Variants in POU6F2 observed in about 807,000 individuals in gnomAD.
The protein encoded by POU6F2 is POU class 6 homeobox 2.
POU6F2 carries 31 observed loss-of-function variants against 71.3 expected under a neutral mutation model. The observed-to-expected ratio is 0.43, with a 90% CI of 0.33 to 0.59. POU6F2 has a LOEUF of 0.59. Ranked by LOEUF, POU6F2 falls within the 20% of genes least tolerant of loss-of-function variation. The probability of loss-of-function intolerance (pLI) is 0.04; values close to 1 mark genes in which losing one functional copy is unlikely to be tolerated. For synonymous variants in POU6F2, 347 were observed against 355.7 expected, an observed-to-expected ratio of 0.98 and a Z score of 0.27; for missense variants, 783 against 856.8, an observed-to-expected ratio of 0.91 and a Z score of 1.07.
In POU6F2 at chr7:39,430,079, A is replaced by G. The variant is rs1033820479; in HGVS notation, c.1114-2998A>G. ...AAAGGAATCAGAGCCAGCATAAGCGAAATAGGCACATCAGAGAATATTTAG... is the reference window on the plus strand; with the variant it reads ...AAAGGAATCAGAGCCAGCATAAGCGGAATAGGCACATCAGAGAATATTTAG... On this transcript the variant is annotated intron_variant, in intron 6 of 9. Transcript: ENST00000518318. 5.3e-5 allele frequency among the ~76,000 whole-genome samples: 8 copies of G among 152,328 alleles called. No homozygotes were observed. The East Asian group carries it at 1.5e-3, about 29-fold the overall frequency.
intron 5 of POU6F2, among the ~76,000 whole-genome samples, chr7:39,351,476 G>A (rs2115671579): frequency 6.6e-6 from 1 of 152,164 alleles, no homozygotes; most frequent in South Asian, 2.1e-4. Flanking sequence ...AATATAATAG[G>A]GAAAGTAAAT....
At chr7:39,149,954 C>T (rs1211928221) in intron 2 of POU6F2, among the ~76,000 whole-genome samples, 1 of 150,236 alleles carries the variant, frequency 6.7e-6, no homozygotes, top group Non-Finnish European at 1.5e-5. Flanking sequence ...GGCACAATCT[C>T]GGCTCACTGC....
Position 38,991,375 on chromosome 7 carries a change from T to A in POU6F2, c.105+13317T>A, listed in dbSNP as rs953996370. On this transcript the variant is annotated intron_variant, in intron 1 of 9. Transcript: ENST00000518318. ...TCATTGAAAACCGTGGCTTTAGACC[T>A]GCAACCAAATTGGTTTGCTAGCATC... Among the ~76,000 whole-genome samples, 4 of 152,302 alleles carry A rather than the reference T, an allele frequency of 2.6e-5. No individual in the cohort carries two copies. In the East Asian group the frequency reaches 5.8e-4, roughly 22 times the overall value.
intron 4 of POU6F2, among the ~76,000 whole-genome samples, chr7:39,257,719 A>T (rs1784052260): frequency 6.6e-6 from 1 of 152,156 alleles, no homozygotes; most frequent in Non-Finnish European, 1.5e-5. Context: ...AGATAAAAAG[A>T]TAATACTTAT....
At chr7:39,009,282 G>T (rs1212924609) in intron 1 of POU6F2, among the ~76,000 whole-genome samples, 2 of 151,532 alleles carry the variant, frequency 1.3e-5, no homozygotes, top group African/African-American at 2.4e-5. Context: ...TCTCTTTGAA[G>T]CAATTGTGAA....
intron 4 of POU6F2, among the ~76,000 whole-genome samples, chr7:39,264,405 G>A (rs954342126): frequency 2.0e-5 from 3 of 152,194 alleles, no homozygotes; most frequent in Non-Finnish European, 4.4e-5. Flanking sequence ...TTCAATCCCT[G>A]TTATAATGAA....
chr7:39,364,839 C>G (rs1272975619), intron 5 of POU6F2, among the ~76,000 whole-genome samples: 1 of 152,176 alleles, frequency 6.6e-6, no homozygotes, highest in East Asian at 1.9e-4. Context: ...TAAGGAATCT[C>G]TACACTGTTT....
chr7:38,981,864 A>G (rs551781700), intron 1 of POU6F2, among the ~76,000 whole-genome samples: 1 of 152,358 alleles, frequency 6.6e-6, no homozygotes, highest in South Asian at 2.1e-4. Context: ...TTGGCTTAAC[A>G]GTATCTCCAT....
chr7:39,252,582 A>G (rs781154046), intron 4 of POU6F2, among the ~76,000 whole-genome samples: 16 of 152,150 alleles, frequency 1.1e-4, no homozygotes, highest in Non-Finnish European at 1.8e-4. Context: ...TCCTATGGAG[A>G]GGGTCCTTAA....
chr7:39,338,421 C>T (rs866098305), intron 4 of POU6F2, among the ~76,000 whole-genome samples: 1 of 152,184 alleles, frequency 6.6e-6, no homozygotes, highest in African/African-American at 2.4e-5. Context: ...CCAGAACACC[C>T]TGGCTCTACA....
chr7:39,029,104 G>C (rs961639168), intron 1 of POU6F2, among the ~76,000 whole-genome samples: 2 of 152,126 alleles, frequency 1.3e-5, no homozygotes, highest in South Asian at 4.1e-4. Flanking sequence ...TTATAGGTAT[G>C]AGCCACTGCA....
chr7:39,003,773 T>C (rs754869785), intron 1 of POU6F2, among the ~76,000 whole-genome samples: 8 of 151,674 alleles, frequency 5.3e-5, no homozygotes, highest in Non-Finnish European at 8.8e-5. Context: ...AAGGGAGTGA[T>C]TAAGCATATT....
At chr7:39,029,299 T>C (rs1448694186) in intron 1 of POU6F2, among the ~76,000 whole-genome samples, 1 of 152,180 alleles carries the variant, frequency 6.6e-6, no homozygotes, top group East Asian at 1.9e-4. Flanking sequence ...AAGATAATTA[T>C]GTGATCTGAA....
Position 39,464,192 on chromosome 7 carries a change from C to G in POU6F2, c.1669C>G (p.Leu557Val). ...SQSAICRHTILRSHFFLPQEA... is the reference protein window; with the variant it reads ...SQSAICRHTIVRSHFFLPQEA... ...AATTTTCCCCCCCAGACACACCATCCTGAGAAGCCACTTTTTCCTACCACA... is the reference window on the plus strand; with the variant it reads ...AATTTTCCCCCCCAGACACACCATCGTGAGAAGCCACTTTTTCCTACCACA... Residue 557 changes from leucine (L) to valine (V), a missense_variant, in exon 10 of 10, where the codon CTG becomes GTG. Coordinates refer to ENST00000518318, the MANE Select transcript of POU6F2 (RefSeq NM_001370959.1). The surrounding 1 kb of genome is among the most constrained non-coding windows in gnomAD (Gnocchi z 4.1). 6.2e-7 allele frequency: 1 copy of G among 1,613,644 alleles called. No individual in the cohort carries two copies. The highest frequency in any genetic ancestry group is 8.5e-7 in the Non-Finnish European group (1 of 1,179,644).
chr7:39,403,462 C>T (rs970134611), intron 5 of POU6F2, among the ~76,000 whole-genome samples: 2 of 152,226 alleles, frequency 1.3e-5, no homozygotes, highest in African/African-American at 4.8e-5. Context: ...TACAGTCAGA[C>T]TTCATTTGGG....
intron 4 of POU6F2, among the ~76,000 whole-genome samples, chr7:39,311,967 T>C (rs566926700): frequency 1.5e-4 from 23 of 152,144 alleles, no homozygotes; most frequent in African/African-American, 4.8e-5. Context: ...AATAACATGA[T>C]TAGAGAATGG....
chr7:39,061,704 A>G (rs375324951), intron 1 of POU6F2, among the ~76,000 whole-genome samples: 1 of 152,206 alleles, frequency 6.6e-6, no homozygotes, highest in East Asian at 1.9e-4. Flanking sequence ...TAAGTTTTCC[A>G]AAATTCTAAT....
At chr7:39,180,620 GTCATGGCTGGCT>G (rs1793417796) in intron 2 of POU6F2, among the ~76,000 whole-genome samples, 1 of 152,142 alleles carries the variant, frequency 6.6e-6, no homozygotes, top group Non-Finnish European at 1.5e-5. Context: ...GCCTTTTTGG[GTCATGGCTGGCT>G]TCATGGCTGT....
At chr7:39,426,522 G>A (rs960359101) in intron 6 of POU6F2, among the ~76,000 whole-genome samples, 8 of 152,052 alleles carry the variant, frequency 5.3e-5, no homozygotes, top group Non-Finnish European at 1.2e-4. Flanking sequence ...AGTAGCTAGG[G>A]TCAATGGCAG....
Sources: gnomAD v4.1 joint callset for allele counts (sites outside exome capture counted in the v4.1 genomes callset) on GRCh38, gnomAD v4.1.1 for gene constraint, Gnocchi (gnomAD v3.1) non-coding constraint, MANE v1.5 for transcripts, NCBI Gene and HGNC (gene_info 2026-07-23, HGNC 2026-07-21) for gene names.